Variants in BANK1 observed in about 807,000 individuals in gnomAD.
BANK1 encodes B cell scaffold protein with ankyrin repeats 1.
A neutral mutation model predicts 94.5 loss-of-function variants in BANK1; 95 were observed. That is an observed-to-expected ratio of 1.00 (90% CI 0.85 to 1.19). The LOEUF (loss-of-function observed/expected upper bound fraction) is 1.19. Ranked by LOEUF, BANK1 falls within the 50% of genes most tolerant of loss-of-function variation. BANK1 has a pLI of 0.00. For missense variants in BANK1, 987 were observed against 932.2 expected (o/e 1.06, Z -0.77); for synonymous variants, 334 against 308.4 (o/e 1.08, Z -0.87).
intron 5 of BANK1, among the ~76,000 whole-genome samples, chr4:101,889,053 G>A (rs944241000): frequency 3.9e-5 from 6 of 152,186 alleles, no homozygotes; most frequent in East Asian, 1.9e-4. Flanking sequence ...TGGGGGGATC[G>A]TTAGTATTTA....
intron 5 of BANK1, among the ~76,000 whole-genome samples, chr4:101,882,502 C>A (rs1728714646): frequency 6.6e-6 from 1 of 152,082 alleles, no homozygotes; most frequent in South Asian, 2.1e-4. Flanking sequence ...ATTTGCTATT[C>A]AAAAAGGCCT....
At chr4:101,859,422 T>C (rs1435907282) in intron 3 of BANK1, among the ~76,000 whole-genome samples, 1 of 152,188 alleles carries the variant, frequency 6.6e-6, no homozygotes. Flanking sequence ...CCTCTTTTGT[T>C]AGGTCTCAAG....
chr4:101,807,924 T>TA (rs533986986), intron 1 of BANK1, among the ~76,000 whole-genome samples: 4,981 of 145,234 alleles, frequency 0.034, 266 homozygotes, highest in African/African-American at 0.12. Context: ...CTACTAAAAA[T>TA]AAAAAAAAAA....
rs912768128 is a variant in BANK1 at position 101,917,481 on chromosome 4, C to T, written c.1010-512C>T. 2.6e-5 allele frequency among the ~76,000 whole-genome samples: 4 copies of T among 151,882 alleles called. No homozygotes were observed. In the South Asian group the frequency reaches 8.3e-4, roughly 31 times the overall value. On this transcript the variant is annotated intron_variant, in intron 6 of 16. Transcript: ENST00000322953. ...CACTGAAGTTATTTATGAAAGCACT[C>T]ACCTGTATTTTCTGATGCAGTTAGT...
At chr4:101,928,305 C>T (rs1342146918) in intron 7 of BANK1, among the ~76,000 whole-genome samples, 1 of 151,592 alleles carries the variant, frequency 6.6e-6, no homozygotes, top group African/African-American at 2.4e-5. Flanking sequence ...TTTAGAAACA[C>T]ATTTCCTGAC....
At chr4:101,922,055 T>TGTGTGTGTGA (rs1491163025) in intron 7 of BANK1, among the ~76,000 whole-genome samples, 1,713 of 144,338 alleles carry the variant, frequency 0.012, 51 homozygotes, top group African/African-American at 0.042. Context: ...TGTGTGTGTG[T>TGTGTGTGTGA]GAGACAGAGA....
chr4:102,058,809 TAA>T (rs1000373192), intron 11 of BANK1, among the ~76,000 whole-genome samples: 1 of 144,652 alleles, frequency 6.9e-6, no homozygotes, highest in Non-Finnish European at 1.5e-5. Flanking sequence ...AGGGAAAAAG[TAA>T]AAAAAAAATA....
chr4:101,868,118 G>A (rs540210386), intron 4 of BANK1, among the ~76,000 whole-genome samples: 10 of 152,058 alleles, frequency 6.6e-5, no homozygotes, highest in African/African-American at 2.4e-4. Context: ...AAAGTGAAAG[G>A]GTTGGAGCAA....
chr4:101,887,850 C>T (rs1728911459), intron 5 of BANK1, among the ~76,000 whole-genome samples: 1 of 152,108 alleles, frequency 6.6e-6, no homozygotes, highest in Non-Finnish European at 1.5e-5. Context: ...GAAAATATCT[C>T]TTTTAGATTT....
chr4:102,066,866 T>C (rs1235180247), intron 13 of BANK1, among the ~76,000 whole-genome samples: 1 of 152,072 alleles, frequency 6.6e-6, no homozygotes, highest in Non-Finnish European at 1.5e-5. Context: ...ATAATGAAAC[T>C]TAAGTTAGAA....
At chr4:101,848,354 T>C (rs35476121) in intron 2 of BANK1, among the ~76,000 whole-genome samples, 2 of 152,112 alleles carry the variant, frequency 1.3e-5, no homozygotes, top group Middle Eastern at 3.4e-3. Flanking sequence ...GGAGTTGCAC[T>C]CTAGTCCTGC....
At chr4:101,854,648 A>T (rs890923797) in intron 2 of BANK1, among the ~76,000 whole-genome samples, 1 of 152,012 alleles carries the variant, frequency 6.6e-6, no homozygotes, top group African/African-American at 2.4e-5. Context: ...GCAAATAACT[A>T]TTCTGATTTA....
Position 101,979,485 on chromosome 4 carries a change from A to G in BANK1, c.1207-42029A>G, listed in dbSNP as rs552496571. ...TAAATGTTTCCTTTTCATTGAGTCA[A>G]TATTCAACATTTTTTTGAGAATAAG... On this transcript the variant is annotated intron_variant, in intron 7 of 16. Transcript: ENST00000322953. Among the ~76,000 whole-genome samples the G allele has an allele frequency of 1.3e-4, 20 of 152,036 alleles. No homozygotes were observed. In the South Asian group the frequency reaches 4.1e-3, roughly 32 times the overall value.
At chr4:101,885,834 A>G (rs1728832847) in intron 5 of BANK1, among the ~76,000 whole-genome samples, 1 of 152,230 alleles carries the variant, frequency 6.6e-6, no homozygotes, top group African/African-American at 2.4e-5. Context: ...AACCTAGGCT[A>G]GGAGTATAGC....
intron 7 of BANK1, among the ~76,000 whole-genome samples, chr4:102,000,394 G>T (rs570723168): frequency 6.6e-6 from 1 of 151,526 alleles, no homozygotes; most frequent in East Asian, 1.9e-4. Flanking sequence ...AAGCAAATTG[G>T]GAATTGCAAC....
chr4:102,031,430 C>T (rs1336076305), intron 10 of BANK1, among the ~76,000 whole-genome samples: 1 of 152,126 alleles, frequency 6.6e-6, no homozygotes. Flanking sequence ...TGTGCAGAAG[C>T]GCTTTAGTTT....
At chr4:101,999,662 A>G (rs761338951) in intron 7 of BANK1, among the ~76,000 whole-genome samples, 15 of 152,246 alleles carry the variant, frequency 9.9e-5, no homozygotes, top group Non-Finnish European at 2.2e-4. Flanking sequence ...TTACAGTTAA[A>G]TAGGTGAAAC....
At chr4:101,798,412 T>C (rs1725234760) in intron 1 of BANK1, among the ~76,000 whole-genome samples, 1 of 152,202 alleles carries the variant, frequency 6.6e-6, no homozygotes, top group African/African-American at 2.4e-5. Flanking sequence ...TATGAAAACT[T>C]ATAGAGAACA....
intron 1 of BANK1, among the ~76,000 whole-genome samples, chr4:101,792,610 CTAGTAATTA>C (rs1725034829): frequency 6.6e-6 from 1 of 151,896 alleles, no homozygotes; most frequent in East Asian, 1.9e-4. Flanking sequence ...GGTTTCATAA[CTAGTAATTA>C]TTTGAAGGTC....
Sources: allele counts gnomAD v4.1 joint callset (sites outside exome capture counted in the v4.1 genomes callset), GRCh38; gene constraint gnomAD v4.1.1; transcripts MANE v1.5; gene names NCBI Gene and HGNC (gene_info 2026-07-23, HGNC 2026-07-21).